The following KIAA0408 variants were observed in gnomAD, a reference collection of about 807,000 sequenced individuals.
The protein encoded by KIAA0408 is KIAA0408, also known as uncharacterized protein KIAA0408.
KIAA0408 carries 51 observed loss-of-function variants against 60.9 expected under a neutral mutation model. That is an observed-to-expected ratio of 0.84 (90% CI 0.67 to 1.06). KIAA0408 has a LOEUF of 1.06. Ranked by LOEUF, KIAA0408 falls within the 50% of genes least tolerant of loss-of-function variation. The probability of loss-of-function intolerance (pLI) is 0.00; values close to 1 mark genes in which losing one functional copy is unlikely to be tolerated. For synonymous variants in KIAA0408, 304 were observed against 282.4 expected (o/e 1.08, Z -0.77); for missense variants, 787 against 833.9 (o/e 0.94, Z 0.69).
rs1239165380 is a variant in KIAA0408, at chr6:127,443,354, A to G, written c.*755T>C. On this transcript the variant is annotated 3_prime_UTR_variant, in exon 6 of 6. Coordinates refer to ENST00000483725, the MANE Select transcript of KIAA0408 (RefSeq NM_014702.5). ...CTCTGAGGATCAAATATTCAGTTAA[A>G]GCCATACTAGACTACCAAATAATAT... 1 of 152,202 alleles carries G rather than the reference A, an allele frequency of 6.6e-6. No individual in the cohort carries two copies. The highest frequency in any genetic ancestry group is 1.5e-5 in the Non-Finnish European group (1 of 68,016). The allele number at this position is 152,202 out of a possible 1,614,324, so 9.4% of individuals were successfully genotyped here.
rs563845296 is a variant in KIAA0408, at chr6:127,454,100, G to A, written c.-119C>T. On this transcript the variant is annotated splice_region_variant and 5_prime_UTR_variant, in exon 2 of 6. Coordinates refer to ENST00000483725, the MANE Select transcript of KIAA0408 (RefSeq NM_014702.5). ...CAGTCTCACTTGCCTTTAAAATAAA[G>A]CCTAATATAAACATAACAAGAGAGA... 29 of 1,423,994 alleles carry A rather than the reference G, an allele frequency of 2.0e-5. No individual in the cohort carries two copies. The African/African-American group carries it at 3.9e-4, about 19-fold the overall frequency. 88.2% of individuals were successfully genotyped at this position (1,423,994 alleles called of 1,614,324 possible).
At chr6:127,456,830 G>A (rs937228811) in intron 1 of KIAA0408, among the ~76,000 whole-genome samples, 2 of 151,908 alleles carry the variant, frequency 1.3e-5, no homozygotes, top group Admixed American at 1.3e-4. Context: ...GAGCAAAAGG[G>A]AAAAATGCTT....
intron 2 of KIAA0408, chr6:127,451,431 C>A (rs1007642295): frequency 7.6e-6 from 3 of 393,712 alleles, no homozygotes; most frequent in African/African-American, 4.2e-5. Flanking sequence ...TTGGTCCCTG[C>A]CAAATTATTT....
rs548355158 is a variant in KIAA0408, at chr6:127,448,945, G to A, written c.578+877C>T. ...TTTGGCTAAAACTTACTGTTATTAA[G>A]TATATACTGTTTCCAAATGGAAACA... On this transcript the variant is annotated intron_variant, in intron 4 of 5. Transcript: ENST00000483725. Among the ~76,000 whole-genome samples, 15 of 152,252 alleles carry A rather than the reference G, an allele frequency of 9.9e-5. No individual in the cohort carries two copies. The South Asian group carries it at 3.1e-3, about 32-fold the overall frequency.
At chr6:127,449,801 T>C in intron 4 of KIAA0408, 21 bp downstream of exon 4, 1 of 1,613,000 alleles carries the variant, frequency 6.2e-7, no homozygotes, top group Non-Finnish European at 8.5e-7. Context: ...CCATCTAAAA[T>C]AATCAGATGT....
At chr6:127,445,577 A>C (rs1219545310) in intron 5 of KIAA0408, among the ~76,000 whole-genome samples, 1 of 152,196 alleles carries the variant, frequency 6.6e-6, no homozygotes, top group Non-Finnish European at 1.5e-5. Flanking sequence ...ATTCTATGAA[A>C]CTAGGAGTTC....
At position 127,441,967 on chromosome 6, in the gene KIAA0408, T is replaced by C. The variant is rs1773114484; in HGVS notation, c.*2142A>G. 1 of 152,190 alleles carries C rather than the reference T, an allele frequency of 6.6e-6. No homozygotes were observed. 9.4% of individuals were successfully genotyped at this position (152,190 alleles called of 1,614,324 possible). On this transcript the variant is annotated 3_prime_UTR_variant, in exon 6 of 6. Transcript: ENST00000483725. The stretch of plus-strand genomic sequence containing the variant: ...CTTAAAATTGTGAAGTCTGAAAGTA[T>C]AGCCATTCTAATTTACAGATAACAA...
At position 127,446,875 on chromosome 6, in the gene KIAA0408, T is replaced by G; in HGVS notation, c.1444A>C (p.Thr482Pro). 6.2e-7 allele frequency: 1 copy of G among 1,614,060 alleles called. No homozygotes were observed. The highest frequency in any genetic ancestry group is 8.5e-7 in the Non-Finnish European group (1 of 1,179,962). ...TCGTTACTTTGTGATATGCTACCTG[T>G]GTGAGTAGATGAGGTATCACAGGGC... ...LKPCDTSSTH[T>P]GSISQSNDVS... Residue 482 changes from threonine (T) to proline (P), a missense_variant, in exon 5 of 6, where the codon ACA (threonine) becomes CCA (proline). Thr to Pro is a conservative substitution (Grantham distance 38, BLOSUM62 -1). Around this residue, in one of 3 missense-constraint regions of KIAA0408, gnomAD observed 640 missense variants for 681.3 expected, o/e 0.94. Transcript: ENST00000483725.
rs775441016 is a variant in KIAA0408, at chr6:127,446,458, A to C, written c.1861T>G (p.Trp621Gly). 8.7e-6 allele frequency: 14 copies of C among 1,613,596 alleles called. No individual in the cohort carries two copies. Among genetic ancestry groups the C allele is most frequent in the African/African-American group, 2.7e-5 (2 of 74,868 alleles). The change falls in exon 5 of 6, where the codon TGG becomes GGG. Residue 621 changes from tryptophan (W) to glycine (G), a missense_variant. By Grantham distance (184) the Trp-to-Gly change is radical. Coordinates refer to ENST00000483725, the MANE Select transcript of KIAA0408 (RefSeq NM_014702.5). ...EQQFQQKTAV[W>G]GGQEVKQGID... is the part of the protein sequence containing the mutation. ...CCTTGCTTCACTTCCTGTCCCCCCC[A>C]CACAGCTGTCTTTTGCTGAAACTGT...
rs973802560 is a variant in KIAA0408 at position 127,440,751 on chromosome 6, C to G, written c.*3358G>C. 1.3e-5 allele frequency: 2 copies of G among 152,134 alleles called. No individual in the cohort carries two copies. Among genetic ancestry groups the G allele is most frequent in the Admixed American group, 1.3e-4 (2 of 15,276 alleles). 9.4% of individuals were successfully genotyped at this position (152,134 alleles called of 1,614,324 possible). On this transcript the variant is annotated 3_prime_UTR_variant, in exon 6 of 6. Coordinates refer to ENST00000483725, the MANE Select transcript of KIAA0408 (RefSeq NM_014702.5). Reference sequence around the variant, plus strand: ...TTAATTTTATGATGTAAATGCAAATCTTAGAAGTAAAAACTTTTTTCAAAG... The same window carrying G: ...TTAATTTTATGATGTAAATGCAAATGTTAGAAGTAAAAACTTTTTTCAAAG...
Position 127,446,658 on chromosome 6 carries a change from G to A in KIAA0408, c.1661C>T (p.Ala554Val). 6.2e-7 allele frequency: 1 copy of A among 1,613,966 alleles called. No individual in the cohort carries two copies. The highest frequency in any genetic ancestry group is 1.1e-5 in the South Asian group (1 of 91,080). Residue 554 changes from alanine to valine, a missense_variant, in exon 5 of 6, where the codon GCT becomes GTT. Physicochemically the swap from Ala to Val is moderately conservative, Grantham distance 64. This residue lies in a region of KIAA0408 where 640 missense variants were observed against 681.3 expected (regional missense o/e 0.94). Transcript: ENST00000483725. ...PSNLSGRPRS[A>V]DPRSNYGVVE... ...AACACCATAATTTGACCTGGGATCA[G>A]CTGACCTCGGACGGCCAGACAAATT...
intron 5 of KIAA0408, among the ~76,000 whole-genome samples, 159 bp from the exon 6 acceptor site, chr6:127,444,441 G>T (rs973142611): frequency 6.6e-6 from 1 of 152,240 alleles, no homozygotes; most frequent in Admixed American, 6.5e-5. Flanking sequence ...TTGTGGTTTT[G>T]AATGTTTTAA....
In KIAA0408 at chr6:127,447,337, C is replaced by T. The variant is rs773852953; in HGVS notation, c.982G>A (p.Gly328Arg). The change falls in exon 5 of 6, where the codon GGG becomes AGG. Residue 328 changes from glycine (G) to arginine (R), a missense_variant. Coordinates refer to ENST00000483725, the MANE Select transcript of KIAA0408 (RefSeq NM_014702.5). ...QEMSMLYPNE[G>R]KTSKDGIIFS... is the part of the protein sequence containing the mutation. ...ATGATACCATCTTTCGAAGTTTTCC[C>T]TTCATTTGGATACAACATAGACATC... 5 of 1,613,284 alleles carry T rather than the reference C, an allele frequency of 3.1e-6. No homozygotes were observed. Among genetic ancestry groups the T allele is most frequent in the Non-Finnish European group, 4.2e-6 (5 of 1,179,718 alleles).
intron 2 of KIAA0408, among the ~76,000 whole-genome samples, chr6:127,452,517 G>A (rs1174489688): frequency 6.6e-6 from 1 of 152,114 alleles, no homozygotes; most frequent in Non-Finnish European, 1.5e-5. Flanking sequence ...TACCATAGAT[G>A]AACTCTATAG....
At position 127,453,977 on chromosome 6, in the gene KIAA0408, T is replaced by A. The variant is rs749119197; in HGVS notation, c.5A>T (p.Asp2Val). 19 of 1,611,984 alleles carry A rather than the reference T, an allele frequency of 1.2e-5. No homozygotes were observed. The highest frequency in any genetic ancestry group is 1.6e-4 in the Middle Eastern group (1 of 6,062). MDLHKQWENTET... is the reference protein window; with the variant it reads MVLHKQWENTET... ...TGTGTTCTCCCACTGCTTATGTAGG[T>A]CCATGGCAACAGTGTAAGTGTCAGC... Residue 2 changes from aspartate to valine, a missense_variant, in exon 2 of 6, where the codon GAC (aspartate) becomes GTC (valine). Around this residue, in one of 3 missense-constraint regions of KIAA0408, gnomAD observed 640 missense variants for 681.3 expected, o/e 0.94. Coordinates refer to ENST00000483725, the MANE Select transcript of KIAA0408 (RefSeq NM_014702.5).
Position 127,441,048 on chromosome 6 carries a change from GTT to G in KIAA0408, c.*3059_*3060del, listed in dbSNP as rs1468020513. 1.3e-5 allele frequency: 2 copies of G among 152,176 alleles called. No homozygotes were observed. The highest frequency in any genetic ancestry group is 2.9e-5 in the Non-Finnish European group (2 of 68,024). 9.4% of individuals were successfully genotyped at this position (152,176 alleles called of 1,614,324 possible). ...ATGTATACAAATGCCACAGACAGTT[GTT>G]TTTACACCTACTTTATTTGATAGCT... is the stretch of plus-strand genomic sequence containing the variant. On this transcript the variant is annotated 3_prime_UTR_variant, in exon 6 of 6. Transcript: ENST00000483725.
rs749244733 is a variant in KIAA0408 at position 127,452,923 on chromosome 6, C to T, written c.135+924G>A. Among the ~76,000 whole-genome samples, 238 of 151,984 alleles carry T rather than the reference C, an allele frequency of 1.6e-3. 5 individuals are homozygous for T. Among genetic ancestry groups the T allele is most frequent in the Non-Finnish European group, 8.4e-4 (57 of 67,950 alleles). The stretch of plus-strand genomic sequence containing the variant: ...TCTCAGCTCTATTTTAGAGGAAGGG[C>T]TTAATAGTTACTTTTCTTCAGCTTT... On this transcript the variant is annotated intron_variant, in intron 2 of 5. Transcript: ENST00000483725.
At chr6:127,456,433 AC>A (rs1773394199) in intron 1 of KIAA0408, among the ~76,000 whole-genome samples, 1 of 152,142 alleles carries the variant, frequency 6.6e-6, no homozygotes, top group African/African-American at 2.4e-5. Context: ...ATTCAGGAAT[AC>A]CCTAGATCAG....
intron 5 of KIAA0408, among the ~76,000 whole-genome samples, chr6:127,445,199 A>T (rs1018267254): frequency 6.6e-6 from 1 of 152,188 alleles, no homozygotes; most frequent in Non-Finnish European, 1.5e-5. Context: ...AGAACAAAAA[A>T]CAAAAACAAA....
Sources: allele counts gnomAD v4.1 joint callset (sites outside exome capture counted in the v4.1 genomes callset), GRCh38; gene constraint gnomAD v4.1.1; regional missense constraint gnomAD v4.1.1; transcripts MANE v1.5; gene names NCBI Gene and HGNC (gene_info 2026-07-23, HGNC 2026-07-21).